Variants in FILIP1L observed in about 807,000 individuals in gnomAD.
FILIP1L encodes filamin A-interacting protein 1-like.
Under a neutral mutation model 96.6 loss-of-function variants are expected in FILIP1L, and 55 were observed. The ratio of observed to expected loss-of-function variants is 0.57; its 90% CI spans 0.46 to 0.71. FILIP1L has a LOEUF of 0.71. Ranked by LOEUF, FILIP1L falls within the 30% of genes least tolerant of loss-of-function variation. The probability of loss-of-function intolerance (pLI) is 0.00; values close to 1 mark genes in which losing one functional copy is unlikely to be tolerated. For synonymous variants in FILIP1L, 467 were observed against 473.9 expected (o/e 0.99, Z 0.19); for missense variants, 1,304 against 1,321.2 (o/e 0.99, Z 0.20).
At chr3:99,852,821 C>T (rs761972856) in intron 4 of FILIP1L, among the ~76,000 whole-genome samples, 7 of 152,154 alleles carry the variant, frequency 4.6e-5, no homozygotes, top group Non-Finnish European at 1.0e-4. Flanking sequence ...TTCTAATCTG[C>T]TCTTTTCTGT....
chr3:99,860,140 G>A (rs1944171386), intron 4 of FILIP1L, among the ~76,000 whole-genome samples: 1 of 152,062 alleles, frequency 6.6e-6, no homozygotes, highest in Admixed American at 6.6e-5. Flanking sequence ...ACCATAAATG[G>A]GTCCAGACCC....
At chr3:100,005,716 G>A (rs1000753007) in intron 1 of FILIP1L, among the ~76,000 whole-genome samples, 33 of 152,298 alleles carry the variant, frequency 2.2e-4, no homozygotes, top group South Asian at 1.0e-3. Context: ...CACAGAAAAT[G>A]TTAGCAGTCA....
intron 1 of FILIP1L, among the ~76,000 whole-genome samples, chr3:99,964,845 T>A (rs1413348981): frequency 3.9e-5 from 6 of 152,140 alleles, no homozygotes; most frequent in African/African-American, 1.4e-4. Flanking sequence ...TCCCTGTAAC[T>A]GTGGAAAAAC....
intron 1 of FILIP1L, among the ~76,000 whole-genome samples, chr3:99,947,802 A>G (rs1336943987): frequency 6.6e-6 from 1 of 152,214 alleles, no homozygotes; most frequent in African/African-American, 2.4e-5. Flanking sequence ...CTAGGCCCTG[A>G]AAGTTGAGAA....
intron 1 of FILIP1L, among the ~76,000 whole-genome samples, chr3:99,968,716 A>C (rs1258324829): frequency 6.6e-6 from 1 of 152,188 alleles, no homozygotes; most frequent in Non-Finnish European, 1.5e-5. Flanking sequence ...AAAACAGAGA[A>C]ATAAGAAAAA....
intron 5 of FILIP1L, among the ~76,000 whole-genome samples, chr3:99,835,016 CT>C (rs1245253997): frequency 6.6e-6 from 1 of 152,198 alleles, no homozygotes; most frequent in Non-Finnish European, 1.5e-5. Flanking sequence ...TCAGCATCAT[CT>C]TTGTCTTTTT....
intron 1 of FILIP1L, among the ~76,000 whole-genome samples, chr3:99,944,005 A>G (rs576300024): frequency 6.6e-6 from 1 of 152,316 alleles, no homozygotes; most frequent in Non-Finnish European, 1.5e-5. Context: ...AGCTTATCCT[A>G]ATGGAGATGT....
intron 1 of FILIP1L, among the ~76,000 whole-genome samples, chr3:100,065,353 C>T (rs890217584): frequency 3.3e-5 from 5 of 152,162 alleles, no homozygotes; most frequent in Non-Finnish European, 5.9e-5. Flanking sequence ...TCATGATAGG[C>T]ATTATTATCC....
rs572224023 is a variant in FILIP1L at position 99,841,504 on chromosome 3, C to T, written c.3381+6791G>A. Among the ~76,000 whole-genome samples, 28 of 152,276 alleles carry T rather than the reference C, an allele frequency of 1.8e-4. No homozygotes were observed. In the South Asian group the frequency reaches 5.8e-3, roughly 32 times the overall value. ...TGTAACCACCACAGGCATGAATATT[C>T]ATTAGTAACCTCACCTCCACCTATC... is the stretch of plus-strand genomic sequence containing the variant. On this transcript the variant is annotated intron_variant, in intron 5 of 5. Coordinates refer to ENST00000477258, the MANE Select transcript of FILIP1L (RefSeq NM_001387850.1).
At chr3:99,872,007 T>G (rs1944812816) in intron 4 of FILIP1L, among the ~76,000 whole-genome samples, 1 of 152,170 alleles carries the variant, frequency 6.6e-6, no homozygotes, top group African/African-American at 2.4e-5. Flanking sequence ...TTAATGGATT[T>G]TATATCTAAA....
intron 1 of FILIP1L, among the ~76,000 whole-genome samples, chr3:99,935,629 G>C (rs1271042030): frequency 3.3e-5 from 5 of 152,226 alleles, no homozygotes; most frequent in Non-Finnish European, 5.9e-5. Flanking sequence ...CTCACCCCCT[G>C]ATGGATCCCG....
At chr3:100,067,948 C>T (rs2065694137) in intron 1 of FILIP1L, among the ~76,000 whole-genome samples, 2 of 152,112 alleles carry the variant, frequency 1.3e-5, no homozygotes, top group African/African-American at 4.8e-5. Context: ...CATTCATGTC[C>T]TTGTGTTAGT....
At chr3:99,856,972 T>C (rs1170034313) in intron 4 of FILIP1L, among the ~76,000 whole-genome samples, 1 of 152,212 alleles carries the variant, frequency 6.6e-6, no homozygotes, top group Non-Finnish European at 1.5e-5. Context: ...TTTTTGTACA[T>C]TACAGTCAAC....
intron 4 of FILIP1L, among the ~76,000 whole-genome samples, chr3:99,894,827 C>G (rs1463838480): frequency 6.6e-6 from 1 of 152,152 alleles, no homozygotes; most frequent in African/African-American, 2.4e-5. Flanking sequence ...TATATGTACT[C>G]CTATTATTAC....
intron 1 of FILIP1L, among the ~76,000 whole-genome samples, chr3:100,098,575 C>G (rs1038115408): frequency 4.6e-5 from 7 of 152,198 alleles, no homozygotes; most frequent in Non-Finnish European, 1.0e-4. Flanking sequence ...AACTTCGGCT[C>G]TTGCTGCTAA....
chr3:100,025,538 T>A, intron 1 of FILIP1L: 1 of 152,178 alleles, frequency 6.6e-6, no homozygotes, highest in South Asian at 2.1e-4. Context: ...CGGGGAAAGA[T>A]GTTATACTCG....
chr3:100,096,564 T>C (rs548597863), intron 1 of FILIP1L, among the ~76,000 whole-genome samples: 67 of 151,510 alleles, frequency 4.4e-4, no homozygotes, highest in African/African-American at 1.6e-3. Flanking sequence ...GAAATCAAAA[T>C]AATTGAACAC....
intron 4 of FILIP1L, among the ~76,000 whole-genome samples, chr3:99,876,799 T>C (rs1705548816): frequency 6.6e-6 from 1 of 152,120 alleles, no homozygotes. Context: ...TGAAAGAACT[T>C]CCTCTTTCCC....
intron 4 of FILIP1L, among the ~76,000 whole-genome samples, chr3:99,876,408 G>A (rs1380058409): frequency 2.0e-5 from 3 of 152,320 alleles, no homozygotes; most frequent in East Asian, 3.9e-4. Flanking sequence ...CCGGGGCGCC[G>A]GCGCCCTCCT....
Sources: allele counts gnomAD v4.1 joint callset (sites outside exome capture counted in the v4.1 genomes callset), GRCh38; gene constraint gnomAD v4.1.1; transcripts MANE v1.5; gene names NCBI Gene and HGNC (gene_info 2026-07-23, HGNC 2026-07-21).